PREX2: variants seen among roughly 807,000 people sequenced by gnomAD.
PREX2 encodes phosphatidylinositol-3,4,5-trisphosphate dependent Rac exchange factor 2, also known as phosphatidylinositol 3,4,5-trisphosphate-dependent Rac exchanger 2 protein.
Under a neutral mutation model 203.2 loss-of-function variants are expected in PREX2, and 107 were observed. The ratio of observed to expected loss-of-function variants is 0.53; its 90% confidence interval spans 0.45 to 0.62. The LOEUF is 0.62. PREX2 is among the 20% of genes least tolerant of loss of function. PREX2 has a pLI of 0.00. For missense variants in PREX2, 1,777 were observed against 1,955.9 expected (o/e 0.91, Z 1.72); for synonymous variants, 672 against 663.6 (o/e 1.01, Z -0.19).
intron 33 of PREX2, among the ~76,000 whole-genome samples, chr8:68,144,537 G>A (rs1443890721): frequency 6.6e-6 from 1 of 152,072 alleles, no homozygotes; most frequent in African/African-American, 2.4e-5. Flanking sequence ...ATATTAACCT[G>A]TATCCTGAAA....
At chr8:68,024,035 C>T (rs952057095) in intron 4 of PREX2, among the ~76,000 whole-genome samples, 6 of 151,860 alleles carry the variant, frequency 4.0e-5, no homozygotes, top group Admixed American at 6.6e-5. Flanking sequence ...GCACACCTGC[C>T]GTGTTTCTGA....
At chr8:67,987,250 C>T (rs1334979771) in intron 1 of PREX2, among the ~76,000 whole-genome samples, 2 of 149,008 alleles carry the variant, frequency 1.3e-5, no homozygotes, top group Non-Finnish European at 3.0e-5. Flanking sequence ...TTTTTTGGAG[C>T]TATATAAGGC....
intron 37 of PREX2, among the ~76,000 whole-genome samples, chr8:68,209,447 C>A (rs1002096276): frequency 3.9e-5 from 6 of 152,074 alleles, no homozygotes; most frequent in African/African-American, 1.4e-4. Flanking sequence ...AAATATAAAT[C>A]TATAGCTATA....
intron 3 of PREX2, among the ~76,000 whole-genome samples, chr8:68,021,768 C>T (rs960994162): frequency 2.0e-5 from 3 of 152,292 alleles, no homozygotes; most frequent in East Asian, 3.9e-4. Context: ...AAGCTCAGCC[C>T]TCTCTTTTCT....
At chr8:67,977,042 T>C (rs975849846) in intron 1 of PREX2, among the ~76,000 whole-genome samples, 2 of 152,224 alleles carry the variant, frequency 1.3e-5, no homozygotes. Context: ...ATATAATGGA[T>C]TGAATGTTTG....
At chr8:68,038,747 T>G (rs1330759886) in intron 7 of PREX2, among the ~76,000 whole-genome samples, 1 of 152,180 alleles carries the variant, frequency 6.6e-6, no homozygotes, top group Non-Finnish European at 1.5e-5. Context: ...AATATCTCAC[T>G]GTCACACATG....
In PREX2 at chr8:68,087,781, C is replaced by T; in HGVS notation, c.2085C>T (p.Gly695=). The T allele has an allele frequency of 6.2e-7, 1 of 1,613,466 alleles. No individual in the cohort carries two copies. The highest frequency in any genetic ancestry group is 8.5e-7 in the Non-Finnish European group (1 of 1,179,494). The change falls in exon 19 of 40, where the codon GGC becomes GGT. Residue 695 remains glycine, a synonymous_variant. Coordinates refer to ENST00000288368, the MANE Select transcript of PREX2 (RefSeq NM_024870.4). The part of the protein sequence containing the change: ...DGLGFQIRGF[G]PSVVHAVGRG... Reference sequence around the variant, plus strand: ...TTGGCTTCCAGATCCGGGGATTTGGCCCTTCTGTTGTGCATGCTGTAGGAA... The same window carrying T: ...TTGGCTTCCAGATCCGGGGATTTGGTCCTTCTGTTGTGCATGCTGTAGGAA...
chr8:68,107,974 A>T, intron 23 of PREX2, 135 bp from the exon 24 acceptor site: 1 of 615,100 alleles, frequency 1.6e-6, no homozygotes, highest in Non-Finnish European at 2.8e-6. Context: ...CTAACAACAT[A>T]TAATTTATTT....
rs149343388 is a variant in PREX2 at position 68,113,450 on chromosome 8, T to C, written c.3147-2303T>C. On this transcript the variant is annotated intron_variant, in intron 25 of 39. Coordinates refer to ENST00000288368, the MANE Select transcript of PREX2 (RefSeq NM_024870.4). ...TTGGATAATTGGAGTTAGTCTAATG[T>C]TTTAATCTTTTGGGTGGAGAGGGTG... Among the ~76,000 whole-genome samples, 74 of 152,358 alleles carry C rather than the reference T, an allele frequency of 4.9e-4. No individual in the cohort carries two copies. The East Asian group carries it at 9.6e-3, about 20-fold the overall frequency.
In PREX2 at chr8:68,076,685, TCACACACA is replaced by T. The variant is rs57701553; in HGVS notation, c.1570-679_1570-672del. 4.2e-3 allele frequency among the ~76,000 whole-genome samples: 609 copies of T among 143,792 alleles called. 2 individuals carry two copies. The highest frequency in any genetic ancestry group is 8.1e-3 in the East Asian group (37 of 4,594). The allele number at this position is 143,792 out of a possible 152,430, so 94.3% of individuals were successfully genotyped here. A position where few individuals can be genotyped will look rare whatever the true frequency, so the allele number is the denominator to read the frequency against. On this transcript the variant is annotated intron_variant, in intron 14 of 39. Coordinates refer to ENST00000288368, the MANE Select transcript of PREX2 (RefSeq NM_024870.4). ...GAACTGTAACAATACAACTCTAAGG[TCACACACA>T]CACACACACACACACACACACACAC...
At chr8:68,125,925 A>G (rs1338750745) in intron 30 of PREX2, among the ~76,000 whole-genome samples, 2 of 152,128 alleles carry the variant, frequency 1.3e-5, no homozygotes, top group Non-Finnish European at 2.9e-5. Context: ...TCTTAAAACC[A>G]TTACGAGATT....
intron 8 of PREX2, among the ~76,000 whole-genome samples, chr8:68,047,122 G>C (rs75548058): frequency 0.015 from 2,259 of 152,090 alleles, 49 homozygotes; most frequent in African/African-American, 0.052. Flanking sequence ...GAAGGAACAA[G>C]GCATCAGCGT....
At chr8:68,162,720 G>A (rs1409502717) in intron 35 of PREX2, among the ~76,000 whole-genome samples, 1 of 152,098 alleles carries the variant, frequency 6.6e-6, no homozygotes, top group African/African-American at 2.4e-5. Flanking sequence ...AGGAGGAAAA[G>A]CTGGGCCAGG....
intron 32 of PREX2, among the ~76,000 whole-genome samples, chr8:68,135,188 A>G (rs1811092235): frequency 6.6e-6 from 1 of 151,754 alleles, no homozygotes; most frequent in African/African-American, 2.4e-5. Context: ...CTGTTGAATG[A>G]ATGTGTAAAT....
At chr8:68,026,109 C>T (rs911860433) in intron 4 of PREX2, among the ~76,000 whole-genome samples, 3 of 152,048 alleles carry the variant, frequency 2.0e-5, no homozygotes, top group Admixed American at 6.6e-5. Context: ...GGAGTGAAAC[C>T]CCCAAAGAGC....
At chr8:67,987,572 A>G (rs1806471456) in intron 1 of PREX2, among the ~76,000 whole-genome samples, 1 of 152,070 alleles carries the variant, frequency 6.6e-6, no homozygotes, top group South Asian at 2.1e-4. Flanking sequence ...TTCATCTCCT[A>G]CCTTGTTCCC....
intron 22 of PREX2, among the ~76,000 whole-genome samples, chr8:68,098,936 GTGTATATATATATA>G (rs1399399363): frequency 3.6e-4 from 27 of 74,840 alleles, no homozygotes; most frequent in African/African-American, 1.3e-3. Context: ...ACATATATAT[GTGTATATATATATA>G]TATATATATA....
At chr8:68,160,585 C>T (rs913367543) in intron 35 of PREX2, among the ~76,000 whole-genome samples, 20 of 152,028 alleles carry the variant, frequency 1.3e-4, no homozygotes, top group African/African-American at 4.8e-4. Flanking sequence ...ATATGTCTGT[C>T]TTGGACTTAC....
chr8:68,080,697 AT>A, intron 16 of PREX2, 48 bp from the exon 17 acceptor site: 2 of 1,469,924 alleles, frequency 1.4e-6, no homozygotes, highest in South Asian at 1.2e-5. Context: ...TTGACTTGTA[AT>A]TTTTTTCATA....
Sources: allele counts gnomAD v4.1 joint callset (sites outside exome capture counted in the v4.1 genomes callset), GRCh38; gene constraint gnomAD v4.1.1; transcripts MANE v1.5; gene names NCBI Gene and HGNC (gene_info 2026-07-23, HGNC 2026-07-21).